The following HSD17B12 variants were observed in gnomAD, a reference collection of about 807,000 sequenced individuals.
HSD17B12 encodes hydroxysteroid 17-beta dehydrogenase 12.
HSD17B12 carries 32 observed loss-of-function variants against 39.3 expected under a neutral mutation model. The observed-to-expected ratio is 0.81, with a 90% CI of 0.61 to 1.09. The LOEUF is 1.09. Ranked by LOEUF, HSD17B12 falls within the 50% of genes least tolerant of loss-of-function variation. HSD17B12 has a pLI of 0.00. For synonymous variants in HSD17B12, 150 were observed against 146.7 expected (o/e 1.02, Z -0.16); for missense variants, 342 against 382.9 (o/e 0.89, Z 0.89).
At chr11:43,839,433 A>C (rs1203115736) in intron 8 of HSD17B12, among the ~76,000 whole-genome samples, 1 of 152,128 alleles carries the variant, frequency 6.6e-6, no homozygotes, top group Non-Finnish European at 1.5e-5. Context: ...TTGCATTTCT[A>C]GTCTGAGGTT....
the HSD17B12 span, among the ~76,000 whole-genome samples, chr11:43,566,155 T>C: frequency 1.5e-4 from 23 of 152,260 alleles, no homozygotes; most frequent in African/African-American, 5.3e-4. Flanking sequence ...GACTGTTTCA[T>C]TGAGTTGTCA....
At chr11:43,647,865 A>G in the HSD17B12 span, among the ~76,000 whole-genome samples, 1 of 152,104 alleles carries the variant, frequency 6.6e-6, no homozygotes, top group Admixed American at 6.5e-5. Context: ...TTAATGATGA[A>G]TTTTATTTTT....
intron 3 of HSD17B12, among the ~76,000 whole-genome samples, chr11:43,787,063 T>G (rs1950821870): frequency 6.6e-6 from 1 of 152,124 alleles, no homozygotes; most frequent in African/African-American, 2.4e-5. Context: ...TGCCTCAACC[T>G]CCAGAATAGC....
intron 9 of HSD17B12, among the ~76,000 whole-genome samples, chr11:43,846,673 AAAAAT>A (rs1404104318): frequency 1.3e-5 from 2 of 152,216 alleles, no homozygotes; most frequent in Non-Finnish European, 2.9e-5. Flanking sequence ...TCAAAAAAAT[AAAAAT>A]AAAGAGGAGT....
intron 4 of HSD17B12, among the ~76,000 whole-genome samples, chr11:43,807,743 A>C (rs943893190): frequency 6.6e-6 from 1 of 152,184 alleles, no homozygotes; most frequent in Admixed American, 6.5e-5. Flanking sequence ...GCAGAAGTGA[A>C]CTGACAAAGA....
the HSD17B12 span, among the ~76,000 whole-genome samples, chr11:43,672,354 C>T: frequency 6.6e-6 from 1 of 151,464 alleles, no homozygotes; most frequent in Non-Finnish European, 1.5e-5. Flanking sequence ...CGGCCTAGCC[C>T]TTCATTTTTA....
At chr11:43,712,221 G>T (rs1950073631) in intron 1 of HSD17B12, among the ~76,000 whole-genome samples, 2 of 152,096 alleles carry the variant, frequency 1.3e-5, no homozygotes, top group Non-Finnish European at 2.9e-5. Context: ...GAGGTCAGGA[G>T]ATCAAGACCA....
chr11:43,652,387 G>A, the HSD17B12 span, among the ~76,000 whole-genome samples: 1 of 152,190 alleles, frequency 6.6e-6, no homozygotes, highest in South Asian at 2.1e-4. Flanking sequence ...CAAATGTGTG[G>A]AGATTTTTCC....
chr11:43,619,215 A>ATATATATATG, the HSD17B12 span, among the ~76,000 whole-genome samples: 1 of 67,316 alleles, frequency 1.5e-5, no homozygotes, highest in African/African-American at 6.4e-5. Context: ...ATATATATAA[A>ATATATATATG]ATATATATAT....
chr11:43,659,720 C>T, the HSD17B12 span, among the ~76,000 whole-genome samples: 1 of 152,162 alleles, frequency 6.6e-6, no homozygotes, highest in Non-Finnish European at 1.5e-5. Flanking sequence ...ATGAAGGATT[C>T]ATCTCCAGGA....
the HSD17B12 span, among the ~76,000 whole-genome samples, chr11:43,564,000 G>A: frequency 5.9e-5 from 9 of 151,704 alleles, no homozygotes; most frequent in East Asian, 1.9e-4. Flanking sequence ...CTACAGCCTC[G>A]AAAGATAGGT....
chr11:43,709,505 C>A (rs984035539), intron 1 of HSD17B12, among the ~76,000 whole-genome samples: 1 of 152,222 alleles, frequency 6.6e-6, no homozygotes, highest in Non-Finnish European at 1.5e-5. Flanking sequence ...TATCATTTCT[C>A]TGACTTAATG....
chr11:43,612,212 T>C, the HSD17B12 span, among the ~76,000 whole-genome samples: 1 of 152,180 alleles, frequency 6.6e-6, no homozygotes, highest in South Asian at 2.1e-4. Flanking sequence ...ATTTTATAAT[T>C]TGGGGTATTT....
intron 6 of HSD17B12, among the ~76,000 whole-genome samples, chr11:43,828,750 A>G (rs1410612948): frequency 6.6e-6 from 1 of 152,224 alleles, no homozygotes; most frequent in Non-Finnish European, 1.5e-5. Flanking sequence ...TGCCTGGTAT[A>G]TTCATATAAA....
At chr11:43,687,479 T>A (rs1949812404) in intron 1 of HSD17B12, among the ~76,000 whole-genome samples, 1 of 152,200 alleles carries the variant, frequency 6.6e-6, no homozygotes, top group Non-Finnish European at 1.5e-5. Context: ...GTTCTAGAGC[T>A]GTGCTGGGGA....
chr11:43,603,372 T>TA, the HSD17B12 span, among the ~76,000 whole-genome samples: 554 of 151,712 alleles, frequency 3.7e-3, 6 homozygotes, highest in East Asian at 0.031. Flanking sequence ...ACCACATTAT[T>TA]AAAAAAAAAC....
the HSD17B12 span, among the ~76,000 whole-genome samples, chr11:43,621,142 GA>G: frequency 2.8e-4 from 43 of 152,218 alleles, no homozygotes; most frequent in Non-Finnish European, 1.0e-4. Flanking sequence ...CAACCAGATG[GA>G]GTCTCTTGTG....
At chr11:43,601,633 G>C in the HSD17B12 span, among the ~76,000 whole-genome samples, 4 of 152,042 alleles carry the variant, frequency 2.6e-5, no homozygotes, top group Non-Finnish European at 5.9e-5. Context: ...GTCTGGTTTG[G>C]GTGGGGTAAT....
chr11:43,730,866 G>A lies in HSD17B12; in HGVS notation c.161-20045G>A, dbSNP rs912572812. ...CTTTATTGTAGTGTTAGTGTGATAA[G>A]CATGGTGGCTTAAAAGGAGAATAGC... is the stretch of plus-strand genomic sequence containing the variant. On this transcript the variant is annotated intron_variant, in intron 1 of 10. Coordinates refer to ENST00000278353, the MANE Select transcript of HSD17B12 (RefSeq NM_016142.3). Among the ~76,000 whole-genome samples the A allele has an allele frequency of 2.6e-4, 39 of 152,302 alleles. No homozygotes were observed. In the South Asian group the frequency reaches 3.7e-3, roughly 15 times the overall value.
Sources: allele counts gnomAD v4.1 joint callset (sites outside exome capture counted in the v4.1 genomes callset), GRCh38; gene constraint gnomAD v4.1.1; transcripts MANE v1.5; gene names NCBI Gene and HGNC (gene_info 2026-07-23, HGNC 2026-07-21).